RBFOX1: variants seen among roughly 807,000 people sequenced by gnomAD.
RBFOX1 encodes the protein RNA binding protein fox-1 homolog 1.
RBFOX1 carries 8 observed loss-of-function variants against 57.7 expected under a neutral mutation model. The observed-to-expected ratio is 0.14, with a 90% CI of 0.08 to 0.25. The LOEUF (loss-of-function observed/expected upper bound fraction) is 0.25. Ranked by LOEUF, RBFOX1 falls within the 10% of genes least tolerant of loss-of-function variation. RBFOX1 has a pLI of 1.00. For synonymous variants in RBFOX1, 326 were observed against 222.4 expected (o/e 1.47, Z -4.15); for missense variants, 611 against 548.5 (o/e 1.11, Z -1.14).
At chr16:5,944,692 C>T (rs955216262) in intron 4 of RBFOX1, among the ~76,000 whole-genome samples, 4 of 150,012 alleles carry the variant, frequency 2.7e-5, no homozygotes, top group African/African-American at 9.8e-5. Context: ...TGGTGGCTCA[C>T]GCCTGTAATC....
intron 3 of RBFOX1, among the ~76,000 whole-genome samples, chr16:6,809,372 A>C (rs1313037652): frequency 1.3e-5 from 2 of 152,194 alleles, no homozygotes; most frequent in African/African-American, 4.8e-5. Context: ...CCACTGTGCC[A>C]GACACTTTCT....
chr16:6,135,589 G>A (rs2096660678), intron 1 of RBFOX1, among the ~76,000 whole-genome samples: 1 of 151,832 alleles, frequency 6.6e-6, no homozygotes, highest in South Asian at 2.1e-4. Context: ...TTTATTTAGG[G>A]TTTAAAAGTA....
intron 2 of RBFOX1, among the ~76,000 whole-genome samples, chr16:6,366,802 C>T (rs939210642): frequency 1.3e-5 from 2 of 152,186 alleles, no homozygotes; most frequent in African/African-American, 4.8e-5. Context: ...CAAAATTAGG[C>T]ACCAGTGTCT....
At chr16:7,458,518 T>C (rs2058967460) in intron 4 of RBFOX1, among the ~76,000 whole-genome samples, 1 of 152,240 alleles carries the variant, frequency 6.6e-6, no homozygotes, top group African/African-American at 2.4e-5. Flanking sequence ...TGTTGCTTAT[T>C]TTTTGTCATT....
intron 3 of RBFOX1, among the ~76,000 whole-genome samples, chr16:5,793,335 G>T (rs548991264): frequency 6.6e-6 from 1 of 152,218 alleles, no homozygotes; most frequent in Non-Finnish European, 1.5e-5. Context: ...GTCTTTTCTT[G>T]TTTTGTCAAC....
At chr16:7,273,258 C>CTTCCTTCCTTCT (rs1302306727) in intron 4 of RBFOX1, among the ~76,000 whole-genome samples, 60 of 136,708 alleles carry the variant, frequency 4.4e-4, no homozygotes, top group Non-Finnish European at 7.4e-4. Flanking sequence ...TCCTTCCTTC[C>CTTCCTTCCTTCT]TTCCTCCCTT....
At chr16:7,193,957 T>A (rs1320248659) in intron 4 of RBFOX1, among the ~76,000 whole-genome samples, 1 of 151,774 alleles carries the variant, frequency 6.6e-6, no homozygotes, top group Non-Finnish European at 1.5e-5. Context: ...TAGCTATCTT[T>A]TTTTTTTTTA....
chr16:6,766,278 C>A (rs2077317124), intron 3 of RBFOX1, among the ~76,000 whole-genome samples: 1 of 152,056 alleles, frequency 6.6e-6, no homozygotes, highest in Admixed American at 6.6e-5. Flanking sequence ...TTATCTCTTT[C>A]CAACAGAAAA....
chr16:5,549,553 A>T (rs1287456098), intron 2 of RBFOX1, among the ~76,000 whole-genome samples: 5 of 152,244 alleles, frequency 3.3e-5, no homozygotes, highest in Non-Finnish European at 5.9e-5. Context: ...GTTCTGTGAT[A>T]GCGTGACATG....
intron 4 of RBFOX1, among the ~76,000 whole-genome samples, chr16:7,108,035 A>G (rs924095999): frequency 1.3e-5 from 2 of 152,098 alleles, no homozygotes; most frequent in Non-Finnish European, 2.9e-5. Flanking sequence ...GGGAGAGGGT[A>G]GAGAGGTGAA....
chr16:7,384,811 G>A (rs1279408003), intron 4 of RBFOX1, among the ~76,000 whole-genome samples: 1 of 152,216 alleles, frequency 6.6e-6, no homozygotes, highest in Non-Finnish European at 1.5e-5. Context: ...TATAGAGTGT[G>A]AACAAAATGC....
At chr16:6,132,995 C>G (rs1220329158) in intron 1 of RBFOX1, among the ~76,000 whole-genome samples, 2 of 147,170 alleles carry the variant, frequency 1.4e-5, no homozygotes, top group Non-Finnish European at 3.0e-5. Context: ...AAAAAAAAGA[C>G]TATTGCTTTT....
chr16:6,537,041 T>A (rs971453312), intron 2 of RBFOX1, among the ~76,000 whole-genome samples: 1 of 152,202 alleles, frequency 6.6e-6, no homozygotes, highest in Non-Finnish European at 1.5e-5. Flanking sequence ...GTAGGAAGAA[T>A]AGCTATAGCT....
chr16:6,800,181 G>A (rs1458048059), intron 3 of RBFOX1, among the ~76,000 whole-genome samples: 1 of 148,410 alleles, frequency 6.7e-6, no homozygotes, highest in South Asian at 2.1e-4. Context: ...TTGATCAACA[G>A]GGTATTGAAA....
chr16:5,767,348 C>G (rs535235794), intron 3 of RBFOX1, among the ~76,000 whole-genome samples: 3 of 152,230 alleles, frequency 2.0e-5, no homozygotes, highest in Non-Finnish European at 4.4e-5. Context: ...AGATGGGATG[C>G]TGCCCAGAGG....
At position 7,713,332 on chromosome 16, in the gene RBFOX1, G is replaced by A. The variant is rs571679809; in HGVS notation, c.*2587G>A. 5.3e-5 allele frequency: 8 copies of A among 152,300 alleles called. No individual in the cohort carries two copies. In the East Asian group the frequency reaches 1.5e-3, roughly 29 times the overall value. 9.4% of individuals were successfully genotyped at this position (152,300 alleles called of 1,614,324 possible). A position where few individuals can be genotyped will look rare whatever the true frequency, so the allele number is the denominator to read the frequency against. On this transcript the variant is annotated 3_prime_UTR_variant, in exon 16 of 16. Transcript: ENST00000550418. ...TATCAAAAAAATAAAAGCTTAGTCTGAAAAGGTACAAGTTGGTGTTCTGAG... is the reference window on the plus strand; with the variant it reads ...TATCAAAAAAATAAAAGCTTAGTCTAAAAAGGTACAAGTTGGTGTTCTGAG...
chr16:7,361,524 C>G (rs1057433006), intron 4 of RBFOX1, among the ~76,000 whole-genome samples: 3 of 152,156 alleles, frequency 2.0e-5, no homozygotes, highest in African/African-American at 7.2e-5. Flanking sequence ...CCAGGTTAGA[C>G]CAGGTGAGTC....
intron 2 of RBFOX1, among the ~76,000 whole-genome samples, chr16:6,459,241 C>A (rs375080207): frequency 5.3e-5 from 8 of 152,164 alleles, no homozygotes; most frequent in African/African-American, 1.9e-4. Context: ...GAGGCTGAGG[C>A]AGGAGAATGG....
Position 7,064,317 on chromosome 16 carries a change from C to G in RBFOX1, c.27+12219C>G, listed in dbSNP as rs370995950. Among the ~76,000 whole-genome samples the G allele has an allele frequency of 1.9e-3, 292 of 151,854 alleles. 3 individuals are homozygous for G. The highest frequency in any genetic ancestry group is 3.2e-3 in the Non-Finnish European group (217 of 67,946). On this transcript the variant is annotated intron_variant, in intron 4 of 15. Coordinates refer to ENST00000550418, the MANE Select transcript of RBFOX1 (RefSeq NM_018723.4). ...CTGAGTAGCTGGGCCTACAGGCACC[C>G]GCCACCATACCCAGCTAATTTTTGT...
Sources: allele counts gnomAD v4.1 joint callset (sites outside exome capture counted in the v4.1 genomes callset), GRCh38; gene constraint gnomAD v4.1.1; transcripts MANE v1.5; gene names NCBI Gene and HGNC (gene_info 2026-07-23, HGNC 2026-07-21).